Variants in EIPR1 observed in about 807,000 individuals in gnomAD.
EIPR1 encodes EARP complex and GARP complex interacting protein 1.
Under a neutral mutation model 48.1 loss-of-function variants are expected in EIPR1, and 25 were observed. The ratio of observed to expected loss-of-function variants is 0.52; its 90% CI spans 0.38 to 0.73. EIPR1 has a LOEUF of 0.73. Among genes scored for constraint, EIPR1 ranks in the 30% least tolerant of loss-of-function variants. EIPR1 has a pLI of 0.00. For missense variants in EIPR1, 415 were observed against 506.2 expected (o/e 0.82, Z 1.73); for synonymous variants, 204 against 201.9 (o/e 1.01, Z -0.09).
At chr2:3,224,149 T>C (rs1665984761) in intron 4 of EIPR1, among the ~76,000 whole-genome samples, 2 of 152,220 alleles carry the variant, frequency 1.3e-5, no homozygotes, top group Admixed American at 6.5e-5. Flanking sequence ...CCTTACCGGC[T>C]AAACTTGTCT....
At chr2:3,207,140 C>A (rs79763228) in intron 5 of EIPR1, among the ~76,000 whole-genome samples, 1 of 152,132 alleles carries the variant, frequency 6.6e-6, no homozygotes, top group Non-Finnish European at 1.5e-5. Context: ...CATGTACCCA[C>A]ACACCCATCC....
intron 3 of EIPR1, among the ~76,000 whole-genome samples, chr2:3,322,213 C>T (rs576656058): frequency 6.4e-4 from 97 of 152,296 alleles, no homozygotes; most frequent in African/African-American, 1.2e-3. Context: ...GTGATGGTCA[C>T]GGTGAGGACC....
At chr2:3,205,964 C>T (rs1247280530) in intron 5 of EIPR1, among the ~76,000 whole-genome samples, 1 of 152,184 alleles carries the variant, frequency 6.6e-6, no homozygotes, top group African/African-American at 2.4e-5. Flanking sequence ...AAAAACAGCA[C>T]CTTGGAACAC....
At position 3,293,219 on chromosome 2, in the gene EIPR1, C is replaced by T. The variant is rs138359997; in HGVS notation, c.260-35764G>A. Among the ~76,000 whole-genome samples, 408 of 152,328 alleles carry T rather than the reference C, an allele frequency of 2.7e-3. 3 individuals are homozygous for T. Among genetic ancestry groups the T allele is most frequent in the African/African-American group, 9.1e-3 (378 of 41,570 alleles). Reference sequence around the variant, plus strand: ...ACATTCTAGCACAGATGAGGGCCTCCCCTTGAGCCGGCCTGCAGCACTCTA... The same window carrying T: ...ACATTCTAGCACAGATGAGGGCCTCTCCTTGAGCCGGCCTGCAGCACTCTA... On this transcript the variant is annotated intron_variant, in intron 3 of 8. Transcript: ENST00000382125.
chr2:3,371,140 G>C (rs1024619748), intron 1 of EIPR1, among the ~76,000 whole-genome samples: 1 of 152,134 alleles, frequency 6.6e-6, no homozygotes, highest in African/African-American at 2.4e-5. Flanking sequence ...GCCAAATTAA[G>C]CTTCATAAGT....
chr2:3,252,750 G>T (rs1355414508), intron 4 of EIPR1, among the ~76,000 whole-genome samples: 1 of 152,196 alleles, frequency 6.6e-6, no homozygotes, highest in Non-Finnish European at 1.5e-5. Flanking sequence ...GCCAGCTCAG[G>T]GGCTCCATCC....
At chr2:3,332,302 C>T (rs1669924150) in intron 3 of EIPR1, among the ~76,000 whole-genome samples, 1 of 152,214 alleles carries the variant, frequency 6.6e-6, no homozygotes, top group Non-Finnish European at 1.5e-5. Context: ...GCTGGCAGCA[C>T]ATTCTGAAGT....
intron 3 of EIPR1, among the ~76,000 whole-genome samples, chr2:3,311,141 T>A (rs1253836830): frequency 6.6e-6 from 1 of 152,156 alleles, no homozygotes; most frequent in African/African-American, 2.4e-5. Context: ...AGGTTACTAC[T>A]TACTTAGGCC....
intron 3 of EIPR1, among the ~76,000 whole-genome samples, chr2:3,283,149 G>A (rs552981813): frequency 3.3e-5 from 5 of 152,258 alleles, no homozygotes; most frequent in African/African-American, 1.2e-4. Flanking sequence ...AGGAATCAGG[G>A]GAAGGCCAGC....
At chr2:3,375,342 G>A (rs1659838780) in intron 1 of EIPR1, among the ~76,000 whole-genome samples, 1 of 151,326 alleles carries the variant, frequency 6.6e-6, no homozygotes, top group Non-Finnish European at 1.5e-5. Context: ...TAACTAACTG[G>A]CACATTGTGC....
At chr2:3,197,298 C>T (rs944255003) in intron 5 of EIPR1, among the ~76,000 whole-genome samples, 50 of 152,292 alleles carry the variant, frequency 3.3e-4, no homozygotes, top group African/African-American at 1.1e-3. Flanking sequence ...ATAATCAACT[C>T]GAACTTGAAG....
chr2:3,253,252 C>A (rs1667055587), intron 4 of EIPR1, among the ~76,000 whole-genome samples: 1 of 152,178 alleles, frequency 6.6e-6, no homozygotes, highest in Non-Finnish European at 1.5e-5. Flanking sequence ...AAGCCTCCTG[C>A]TTCGAGTTGT....
At chr2:3,277,237 C>T (rs1187036298) in intron 3 of EIPR1, among the ~76,000 whole-genome samples, 1 of 151,934 alleles carries the variant, frequency 6.6e-6, no homozygotes, top group East Asian at 1.9e-4. Context: ...TCTCCACCCA[C>T]GCGGCCCCAC....
chr2:3,292,009 G>T (rs376886473), intron 3 of EIPR1, among the ~76,000 whole-genome samples: 1 of 152,252 alleles, frequency 6.6e-6, no homozygotes, highest in Non-Finnish European at 1.5e-5. Flanking sequence ...TGCTCGCCAC[G>T]GGGCCACATG....
intron 4 of EIPR1, among the ~76,000 whole-genome samples, chr2:3,239,814 T>C (rs1666536704): frequency 6.6e-6 from 1 of 152,276 alleles, no homozygotes; most frequent in African/African-American, 2.4e-5. Flanking sequence ...ACTCTTATTT[T>C]CTTTCCATCT....
intron 2 of EIPR1, among the ~76,000 whole-genome samples, chr2:3,341,188 T>C (rs1670237307): frequency 6.7e-6 from 1 of 148,600 alleles, no homozygotes; most frequent in East Asian, 2.0e-4. Flanking sequence ...ATTCTCACAG[T>C]AATGACAAGT....
At chr2:3,191,569 C>T (rs1014602153) in intron 8 of EIPR1, among the ~76,000 whole-genome samples, 1 of 152,230 alleles carries the variant, frequency 6.6e-6, no homozygotes, top group Non-Finnish European at 1.5e-5. Context: ...CAGACCCCAT[C>T]GTATCTAAGG....
intron 3 of EIPR1, among the ~76,000 whole-genome samples, chr2:3,292,858 G>GAAAAA (rs57175137): frequency 1.7e-5 from 2 of 120,686 alleles, no homozygotes; most frequent in African/African-American, 6.0e-5. Context: ...AAAATGTTTT[G>GAAAAA]AAAAAAAAAA....
At chr2:3,284,238 AGGCCGCGCCAC>A (rs1668108727) in intron 3 of EIPR1, among the ~76,000 whole-genome samples, 1 of 134,602 alleles carries the variant, frequency 7.4e-6, no homozygotes, top group Non-Finnish European at 1.6e-5. Flanking sequence ...CAGGCACAGA[AGGCCGCGCCAC>A]GGCTGCACGT....
Sources: allele counts gnomAD v4.1 joint callset (sites outside exome capture counted in the v4.1 genomes callset), GRCh38; gene constraint gnomAD v4.1.1; transcripts MANE v1.5; gene names NCBI Gene and HGNC (gene_info 2026-07-23, HGNC 2026-07-21).